RAB3B: variants seen among roughly 807,000 people sequenced by gnomAD.
RAB3B encodes the protein RAB3B, member RAS oncogene family, also known as ras-related protein Rab-3B.
In RAB3B, 11 loss-of-function variants were observed where a neutral mutation model predicts 20.5. The observed-to-expected ratio is 0.54, with a 90% CI of 0.34 to 0.89. The LOEUF (loss-of-function observed/expected upper bound fraction) is 0.89, where lower values mean the gene tolerates loss of function less well. Ranked by LOEUF, RAB3B falls within the 40% of genes least tolerant of loss-of-function variation. The probability of loss-of-function intolerance (pLI) is 0.02; values close to 1 mark genes in which losing one functional copy is unlikely to be tolerated. For missense variants in RAB3B, 225 were observed against 280.9 expected, an observed-to-expected ratio of 0.80 and a Z score of 1.42; for synonymous variants, 99 against 106.3, an observed-to-expected ratio of 0.93 and a Z score of 0.42.
intron 4 of RAB3B, among the ~76,000 whole-genome samples, chr1:51,926,936 T>C (rs1185066530): frequency 6.6e-6 from 1 of 152,214 alleles, no homozygotes; most frequent in Non-Finnish European, 1.5e-5. Flanking sequence ...GGTGATAATA[T>C]ACTATGTACT....
chr1:51,961,242 CTCCCCTGTGAA>C (rs1327537362), intron 2 of RAB3B, among the ~76,000 whole-genome samples: 1 of 152,136 alleles, frequency 6.6e-6, no homozygotes, highest in Non-Finnish European at 1.5e-5. Flanking sequence ...GCCCATTAGA[CTCCCCTGTGAA>C]GTTGTAGTGG....
At chr1:51,987,553 A>G (rs922733963) in intron 1 of RAB3B, among the ~76,000 whole-genome samples, 1 of 152,134 alleles carries the variant, frequency 6.6e-6, no homozygotes, top group African/African-American at 2.4e-5. Flanking sequence ...AATAGTTTGG[A>G]GCTCCAAATC....
At chr1:51,974,491 C>T (rs1257883454) in intron 2 of RAB3B, among the ~76,000 whole-genome samples, 51 of 152,158 alleles carry the variant, frequency 3.4e-4, no homozygotes, top group Non-Finnish European at 1.0e-4. Flanking sequence ...GTGAACTAGA[C>T]GACCCGTATA....
intron 2 of RAB3B, among the ~76,000 whole-genome samples, chr1:51,949,052 A>G (rs775057776): frequency 2.0e-5 from 3 of 152,214 alleles, no homozygotes; most frequent in South Asian, 2.1e-4. Flanking sequence ...CCCAAAGCCT[A>G]CAAGATGGAG....
At chr1:51,959,336 A>T (rs1385149376) in intron 2 of RAB3B, among the ~76,000 whole-genome samples, 2 of 151,886 alleles carry the variant, frequency 1.3e-5, no homozygotes, top group Non-Finnish European at 2.9e-5. Flanking sequence ...CTGTGCAAAA[A>T]ACTGAGACCC....
intron 2 of RAB3B, among the ~76,000 whole-genome samples, chr1:51,942,611 C>T (rs1239553569): frequency 1.3e-5 from 2 of 152,168 alleles, no homozygotes; most frequent in East Asian, 3.8e-4. Flanking sequence ...GATATTCATG[C>T]TTTTGTGTAA....
At chr1:51,932,419 A>G (rs2124248588) in intron 4 of RAB3B, among the ~76,000 whole-genome samples, 2 of 152,298 alleles carry the variant, frequency 1.3e-5, no homozygotes, top group South Asian at 4.1e-4. Context: ...ACCCCAATAC[A>G]TAAAATAAAA....
At chr1:51,958,472 C>G (rs959395772) in intron 2 of RAB3B, among the ~76,000 whole-genome samples, 12 of 152,234 alleles carry the variant, frequency 7.9e-5, no homozygotes, top group South Asian at 2.1e-4. Context: ...GCCTGTAATC[C>G]TAGCACTTTG....
intron 2 of RAB3B, among the ~76,000 whole-genome samples, chr1:51,970,044 TG>T (rs1465293737): frequency 6.6e-6 from 1 of 150,498 alleles, no homozygotes; most frequent in Non-Finnish European, 1.5e-5. Context: ...TACTCCAGCC[TG>T]GGAAACAGAG....
In RAB3B at chr1:51,976,939, T is replaced by C; in HGVS notation, c.179A>G (p.Lys60Arg). The part of the protein sequence containing the change: ...AFVSTVGIDF[K>R]VKTVYRHEKR... ...CTCGTGACGGTAGACTGTCTTCACC[T>C]TGAAGTCGATGCCCACGGTGCTAAC... The change falls in exon 2 of 5, where the codon AAG (lysine) becomes AGG (arginine). Residue 60 changes from lysine to arginine, a missense_variant. By Grantham distance (26) the Lys-to-Arg change is conservative (BLOSUM62 2). Coordinates refer to ENST00000371655, the MANE Select transcript of RAB3B (RefSeq NM_002867.4). The C allele has an allele frequency of 6.2e-6, 10 of 1,614,204 alleles. No individual in the cohort carries two copies. Among genetic ancestry groups the C allele is most frequent in the Non-Finnish European group, 8.5e-6 (10 of 1,180,038 alleles).
chr1:51,970,094 AAAAC>A (rs201922466), intron 2 of RAB3B, among the ~76,000 whole-genome samples: 5,863 of 151,682 alleles, frequency 0.039, 138 homozygotes, highest in African/African-American at 0.052. Flanking sequence ...CAAAAAACAA[AAAAC>A]AAACAAACAA....
chr1:51,930,134 T>G (rs1411949769), intron 4 of RAB3B, among the ~76,000 whole-genome samples: 1 of 152,218 alleles, frequency 6.6e-6, no homozygotes, highest in Non-Finnish European at 1.5e-5. Context: ...ATTAAGGTCT[T>G]CTTCAAGTGC....
At chr1:51,941,658 T>C (rs1399761948) in intron 2 of RAB3B, among the ~76,000 whole-genome samples, 1 of 152,220 alleles carries the variant, frequency 6.6e-6, no homozygotes, top group African/African-American at 2.4e-5. Flanking sequence ...GGCCCAGACT[T>C]GCATAACCTT....
intron 2 of RAB3B, among the ~76,000 whole-genome samples, chr1:51,943,485 C>G (rs544129129): frequency 1.3e-5 from 2 of 152,272 alleles, no homozygotes; most frequent in South Asian, 2.1e-4. Context: ...TGCTTTAAAT[C>G]AAAAGCTAGA....
chr1:51,979,006 G>T (rs985138729), intron 1 of RAB3B, among the ~76,000 whole-genome samples: 1 of 152,130 alleles, frequency 6.6e-6, no homozygotes, highest in Non-Finnish European at 1.5e-5. Context: ...CCTTCCCTTT[G>T]TTCCCAGCTC....
At chr1:51,950,600 C>CAAAG (rs10625252) in intron 2 of RAB3B, among the ~76,000 whole-genome samples, 150,507 of 152,210 alleles carry the variant, frequency 0.99, 74,437 homozygotes, top group Middle Eastern at 1. Flanking sequence ...ATGTCATAGA[C>CAAAG]AAAGGGAGGC....
chr1:51,947,508 G>A (rs1684581746), intron 2 of RAB3B, among the ~76,000 whole-genome samples: 1 of 152,006 alleles, frequency 6.6e-6, no homozygotes, highest in Non-Finnish European at 1.5e-5. Context: ...AAGATCCTCT[G>A]CAGCCTCCCA....
rs536779603 is a variant in RAB3B, at chr1:51,910,055, C to A, written c.*9872G>T. 6.6e-6 allele frequency: 1 copy of A among 152,262 alleles called. No homozygotes were observed. The highest frequency in any genetic ancestry group is 2.4e-5 in the African/African-American group (1 of 41,558). The allele number at this position is 152,262 out of a possible 1,614,324, so 9.4% of individuals were successfully genotyped here. A position where few individuals can be genotyped will look rare whatever the true frequency, so the allele number is the denominator to read the frequency against. Reference sequence around the variant, plus strand: ...TTACATATGAAGTAACTGAGGCTCACTGAGGCTCCGGGAGTCATCTTCCCG... The same window carrying A: ...TTACATATGAAGTAACTGAGGCTCAATGAGGCTCCGGGAGTCATCTTCCCG... On this transcript the variant is annotated 3_prime_UTR_variant, in exon 5 of 5. Coordinates refer to ENST00000371655, the MANE Select transcript of RAB3B (RefSeq NM_002867.4).
intron 2 of RAB3B, among the ~76,000 whole-genome samples, chr1:51,948,140 A>G (rs1235862285): frequency 1.3e-5 from 2 of 152,172 alleles, no homozygotes; most frequent in Non-Finnish European, 2.9e-5. Flanking sequence ...ATTCCCTGAG[A>G]AACCCTGTGA....
Sources: gnomAD v4.1 joint callset for allele counts (sites outside exome capture counted in the v4.1 genomes callset) on GRCh38, gnomAD v4.1.1 for gene constraint, MANE v1.5 for transcripts, NCBI Gene and HGNC (gene_info 2026-07-23, HGNC 2026-07-21) for gene names.